Variants in HELZ2 observed in about 807,000 individuals in gnomAD.
The protein encoded by HELZ2 is 3'-5' exoribonuclease HELZ2.
In HELZ2, 143 loss-of-function variants were observed where a neutral mutation model predicts 208.8. That is an observed-to-expected ratio of 0.68 (90% CI 0.60 to 0.79). The LOEUF is 0.79. HELZ2 is among the 30% of genes least tolerant of loss of function. The pLI, the probability that HELZ2 is intolerant of heterozygous loss-of-function variation, is 0.00. For synonymous variants in HELZ2, 1,705 were observed against 1,693.7 expected (o/e 1.01, Z -0.16); for missense variants, 3,690 against 3,794.5 (o/e 0.97, Z 0.72).
chr20:63,565,254 G>A (rs919836961), exon 8 of HELZ2: 20 of 1,607,002 alleles, frequency 1.2e-5, no homozygotes, highest in Middle Eastern at 1.6e-4. Context: ...CCCAGCACGC[G>A]GCCCCGAAGC....
At chr20:63,560,067 G>A (rs748535912) in exon 18 of HELZ2, 4 of 1,607,618 alleles carry the variant, frequency 2.5e-6, no homozygotes, top group East Asian at 2.2e-5. Flanking sequence ...TGCGGACGGT[G>A]CTCACCAGCA....
chr20:63,560,182 G>C, exon 17 of HELZ2: 1 of 1,555,518 alleles, frequency 6.4e-7, no homozygotes, highest in Non-Finnish European at 8.7e-7. Context: ...CTGGCTCTTG[G>C]TGATGGAGGA....
chr20:63,564,561 C>T, exon 8 of HELZ2: 1 of 1,568,606 alleles, frequency 6.4e-7, no homozygotes, highest in Non-Finnish European at 8.6e-7. Flanking sequence ...CGGTCCCGGC[C>T]AGGCAGGAGG....
chr20:63,562,850 G>T, exon 8 of HELZ2: 1 of 1,608,984 alleles, frequency 6.2e-7, no homozygotes, highest in Non-Finnish European at 8.5e-7. Flanking sequence ...GAGGAAGGCG[G>T]CCTCCAGGCG....
At chr20:63,564,259 G>A (rs778437738) in exon 8 of HELZ2, 25 of 1,611,580 alleles carry the variant, frequency 1.6e-5, no homozygotes, top group Non-Finnish European at 2.0e-5. Context: ...CCATGATGTG[G>A]GCCGCGCGGA....
chr20:63,572,391 C>T lies in HELZ2; in HGVS notation c.-6G>A, dbSNP rs528228418. Reference sequence around the variant, plus strand: ...TCGGCCTCCCACACAGCCATCTCCACGGCGCTGTGTGCAAACTGGCAGCGG... The same window carrying T: ...TCGGCCTCCCACACAGCCATCTCCATGGCGCTGTGTGCAAACTGGCAGCGG... On this transcript the variant is annotated 5_prime_UTR_variant, in exon 1 of 19. It adds an upstream start codon to the 5' untranslated region. Coordinates refer to ENST00000467148, the Ensembl canonical transcript of HELZ2. 92 of 1,512,400 alleles carry T rather than the reference C, an allele frequency of 6.1e-5. No homozygotes were observed. The highest frequency in any genetic ancestry group is 3.2e-4 in the African/African-American group (23 of 72,876). 93.7% of individuals were successfully genotyped at this position (1,512,400 alleles called of 1,614,324 possible). A position where few individuals can be genotyped will look rare whatever the true frequency, so the allele number is the denominator to read the frequency against.
Position 63,562,324 on chromosome 20 carries a change from C to T in HELZ2, c.6361G>A (p.Ala2121Thr), listed in dbSNP as rs758677499. Residue 2121 changes from alanine to threonine, a missense_variant, in exon 9 of 19, where the codon GCA becomes ACA. By Grantham distance (58) the Ala-to-Thr change is moderately conservative. Around this residue, in one of 3 missense-constraint regions of HELZ2, gnomAD observed 2,564 missense variants for 2,580.5 expected, o/e 0.99. Coordinates refer to ENST00000467148, the Ensembl canonical transcript of HELZ2. Reference sequence around the variant, plus strand: ...GGCTGCGGGACAGGCCGGCCCAGTGCGATGCTGGTGACCAGCGGGGACGCC... The same window carrying T: ...GGCTGCGGGACAGGCCGGCCCAGTGTGATGCTGGTGACCAGCGGGGACGCC... The T allele has an allele frequency of 3.2e-5, 51 of 1,598,196 alleles. 1 individual carries two copies. The highest frequency in any genetic ancestry group is 3.3e-4 in the Middle Eastern group (2 of 5,998).
At chr20:63,561,842 C>A in exon 11 of HELZ2, 1 of 1,564,442 alleles carries the variant, frequency 6.4e-7, no homozygotes, top group Non-Finnish European at 8.7e-7. Context: ...CATCCACCGA[C>A]TTGTTGGAGG....
chr20:63,570,188 G>T, intron 3 of HELZ2: 1 of 479,680 alleles, frequency 2.1e-6, no homozygotes, highest in African/African-American at 2.2e-5. Flanking sequence ...TCGAACTCCC[G>T]ACCTCAGGTG....
At chr20:63,562,337 C>G (rs781687629) in exon 9 of HELZ2, 2 of 1,596,308 alleles carry the variant, frequency 1.3e-6, no homozygotes, top group South Asian at 2.2e-5. Flanking sequence ...TGCTGGTGAC[C>G]AGCGGGGACG....
chr20:63,564,552 G>T, exon 8 of HELZ2: 1 of 1,570,322 alleles, frequency 6.4e-7, no homozygotes. Flanking sequence ...ATGGCCAGGC[G>T]GTCCCGGCCA....
At chr20:63,572,164 C>T in exon 1 of HELZ2, 1 of 1,611,292 alleles carries the variant, frequency 6.2e-7, no homozygotes, top group Non-Finnish European at 8.5e-7. Flanking sequence ...GCTCCCAGGG[C>T]AGGGCCTGGT....
exon 8 of HELZ2, chr20:63,566,023 A>T: frequency 6.3e-7 from 1 of 1,593,996 alleles, no homozygotes; most frequent in Non-Finnish European, 8.5e-7. Context: ...CCACGCACTC[A>T]CGGATGAAGC....
intron 3 of HELZ2, 43 bp from the exon 5 acceptor site, chr20:63,569,708 C>T (rs1018065203): frequency 3.4e-6 from 5 of 1,460,648 alleles, no homozygotes; most frequent in South Asian, 1.4e-5. Flanking sequence ...AGGGCTCCCC[C>T]CAACCCTCCC....
exon 15 of HELZ2, chr20:63,560,901 A>G (rs2082878344): frequency 2.5e-6 from 4 of 1,612,932 alleles, no homozygotes; most frequent in African/African-American, 1.3e-5. Context: ...CACAGGCCGC[A>G]GCTGCTTGTG....
At chr20:63,569,509 C>T (rs1478459823) in exon 4 of HELZ2, 5 of 1,610,226 alleles carry the variant, frequency 3.1e-6, no homozygotes, top group Non-Finnish European at 4.2e-6. Flanking sequence ...AACGAGGCAG[C>T]CTGCACACGC....
chr20:63,565,132 C>A, exon 8 of HELZ2: 1 of 1,578,646 alleles, frequency 6.3e-7, no homozygotes, highest in African/African-American at 1.3e-5. Flanking sequence ...GGTCCTTCAG[C>A]TCGGCCACGA....
Position 63,563,070 on chromosome 20 carries a change from G to A in HELZ2, c.5752C>T (p.Arg1918Trp), listed in dbSNP as rs2082907922. Reference sequence around the variant, plus strand: ...CGGCCTGAGAAGCAGTCTCCGGGCCGCTCCACGTGCTCCAGGCAGAGGCTG... The same window carrying A: ...CGGCCTGAGAAGCAGTCTCCGGGCCACTCCACGTGCTCCAGGCAGAGGCTG... The change falls in exon 8 of 19, where the codon CGG (arginine) becomes TGG (tryptophan). Residue 1918 changes from arginine to tryptophan, a missense_variant. Around this residue, in one of 3 missense-constraint regions of HELZ2, gnomAD observed 2,564 missense variants for 2,580.5 expected, o/e 0.99. Coordinates refer to ENST00000467148, the Ensembl canonical transcript of HELZ2. The A allele has an allele frequency of 9.4e-6, 15 of 1,597,036 alleles. No homozygotes were observed. Among genetic ancestry groups the A allele is most frequent in the South Asian group, 4.5e-5 (4 of 89,336 alleles).
At chr20:63,561,137 A>G (rs757965841) in exon 14 of HELZ2, 3 of 1,612,968 alleles carry the variant, frequency 1.9e-6, no homozygotes, top group Non-Finnish European at 2.5e-6. Context: ...TTCCGTGGCC[A>G]TGCCTGCCTC....
Sources: gnomAD v4.1 joint callset for allele counts on GRCh38, gnomAD v4.1.1 for gene constraint, gnomAD v4.1.1 regional missense constraint, MANE v1.5 for transcripts, NCBI Gene and HGNC (gene_info 2026-07-23, HGNC 2026-07-21) for gene names.